The following EDNRB variants were observed in gnomAD, a reference collection of about 807,000 sequenced individuals.
EDNRB encodes the protein endothelin receptor type B, also known as Hirschsprung disease 2.
Under a neutral mutation model 46.4 loss-of-function variants are expected in EDNRB, and 18 were observed. That is an observed-to-expected ratio of 0.39 (90% CI 0.27 to 0.57). The LOEUF is 0.57. Among genes scored for constraint, EDNRB ranks in the 20% least tolerant of loss-of-function variants. The probability of loss-of-function intolerance (pLI) is 0.61; values close to 1 mark genes in which losing one functional copy is unlikely to be tolerated. For missense variants in EDNRB, 434 were observed against 537.5 expected (o/e 0.81, Z 1.90); for synonymous variants, 213 against 204.9 (o/e 1.04, Z -0.34).
intron 1 of EDNRB, among the ~76,000 whole-genome samples, chr13:77,968,497 AT>A (rs1466697320): frequency 6.6e-6 from 1 of 151,906 alleles, no homozygotes; most frequent in Non-Finnish European, 1.5e-5. Flanking sequence ...CTTTGAGCTC[AT>A]TTTTTTTCAA....
At chr13:77,950,284 C>A (rs1163907692) in intron 1 of EDNRB, among the ~76,000 whole-genome samples, 1 of 152,208 alleles carries the variant, frequency 6.6e-6, no homozygotes, top group Non-Finnish European at 1.5e-5. Flanking sequence ...CCATTTGTCA[C>A]CTCTCTAAGT....
intron 1 of EDNRB, among the ~76,000 whole-genome samples, chr13:77,913,756 A>G (rs930481806): frequency 7.9e-5 from 12 of 152,212 alleles, no homozygotes; most frequent in African/African-American, 2.7e-4. Flanking sequence ...AAACACATTG[A>G]TAGCATCCCC....
chr13:77,900,081 A>G (rs1878863833), intron 5 of EDNRB, 114 bp from the exon 6 acceptor site: 4 of 818,562 alleles, frequency 4.9e-6, no homozygotes, highest in Non-Finnish European at 8.2e-6. Flanking sequence ...ATGGTTCTAA[A>G]TTTATCACTC....
rs145502059 is a variant in EDNRB at position 77,927,494 on chromosome 13, G to A, written c.-51-8870C>T. Among the ~76,000 whole-genome samples the A allele has an allele frequency of 2.9e-3, 440 of 152,254 alleles. 6 individuals are homozygous for A. Among genetic ancestry groups the A allele is most frequent in the Middle Eastern group, 6.8e-3 (2 of 294 alleles). ...CAAATTTCCGCTTTTTGACAATTTG[G>A]CAAGAAAGTAGACCTGATATTTAGG... On this transcript the variant is annotated intron_variant, in intron 1 of 7. Coordinates refer to the EDNRB transcript ENST00000646948.
intron 3 of EDNRB, among the ~76,000 whole-genome samples, chr13:77,901,928 C>T (rs953191266): frequency 4.0e-5 from 6 of 151,804 alleles, no homozygotes; most frequent in Non-Finnish European, 2.9e-5. Flanking sequence ...TATTTAGTCT[C>T]CTTATATATT....
At chr13:77,964,860 A>T (rs1480773851) in intron 1 of EDNRB, among the ~76,000 whole-genome samples, 1 of 152,170 alleles carries the variant, frequency 6.6e-6, no homozygotes, top group African/African-American at 2.4e-5. Context: ...GGATTTCCTA[A>T]ATTTTTGGCT....
At chr13:77,911,380 A>G (rs1879562665) in intron 1 of EDNRB, among the ~76,000 whole-genome samples, 2 of 152,080 alleles carry the variant, frequency 1.3e-5, no homozygotes. Flanking sequence ...AAAATGTCTG[A>G]TTACTATGGA....
At chr13:77,962,002 C>G (rs143150555) in intron 1 of EDNRB, among the ~76,000 whole-genome samples, 4,275 of 152,226 alleles carry the variant, frequency 0.028, 206 homozygotes, top group African/African-American at 0.095. Context: ...CTATAAACAC[C>G]TCTACGCAAA....
intron 1 of EDNRB, among the ~76,000 whole-genome samples, chr13:77,906,968 C>T (rs4435136): frequency 2.0e-5 from 3 of 151,814 alleles, no homozygotes; most frequent in African/African-American, 7.2e-5. Context: ...AATACCTGCC[C>T]GACAGTGGTT....
chr13:77,934,679 AGGG>A (rs61163800), intron 1 of EDNRB, among the ~76,000 whole-genome samples: 2 of 127,568 alleles, frequency 1.6e-5, no homozygotes, highest in Non-Finnish European at 3.4e-5. Flanking sequence ...TGTGTAGGAA[AGGG>A]GGGGGGGGGC....
intron 1 of EDNRB, among the ~76,000 whole-genome samples, chr13:77,964,668 A>G (rs1404857105): frequency 1.3e-5 from 2 of 152,198 alleles, no homozygotes; most frequent in Non-Finnish European, 2.9e-5. Flanking sequence ...TAGGAGATAT[A>G]CCTAATGTAA....
At chr13:77,969,243 C>A (rs1259450295) in intron 1 of EDNRB, among the ~76,000 whole-genome samples, 3 of 152,048 alleles carry the variant, frequency 2.0e-5, no homozygotes, top group Non-Finnish European at 4.4e-5. Context: ...ATAAATTGTT[C>A]ATTTTAAAAG....
chr13:77,896,566 A>C lies in EDNRB; in HGVS notation c.*1634T>G. ...TCCAACATGTGGCCCAGCCTATTAA[A>C]AGAAAAACAAAGTAAAAATTTGGGC... On this transcript the variant is annotated 3_prime_UTR_variant, in exon 7 of 7. Transcript: ENST00000646607. 2 of 1,550,078 alleles carry C rather than the reference A, an allele frequency of 1.3e-6. No individual in the cohort carries two copies. The highest frequency in any genetic ancestry group is 1.7e-6 in the Non-Finnish European group (2 of 1,146,406).
intron 1 of EDNRB, among the ~76,000 whole-genome samples, chr13:77,969,853 G>A (rs1881680330): frequency 6.6e-6 from 1 of 152,156 alleles, no homozygotes; most frequent in East Asian, 1.9e-4. Context: ...ACTTCAAAGT[G>A]TAAATGAGCA....
intron 1 of EDNRB, among the ~76,000 whole-genome samples, chr13:77,956,040 A>AT (rs1481808412): frequency 2.6e-5 from 4 of 151,966 alleles, no homozygotes; most frequent in Non-Finnish European, 4.4e-5. Flanking sequence ...GAATTTCAAG[A>AT]TTTTTTCTAT....
chr13:77,898,021 C>T lies in EDNRB; in HGVS notation c.*179G>A, dbSNP rs201848931. On this transcript the variant is annotated 3_prime_UTR_variant, in exon 7 of 7. Coordinates refer to ENST00000646607, the MANE Select transcript of EDNRB (RefSeq NM_001122659.3). ...ATTCCCACTGATTTTCTTTCCATGC[C>T]GTAAACAGCTCATAAAATGTCATAT... is the stretch of plus-strand genomic sequence containing the variant. The T allele has an allele frequency of 6.7e-5, 94 of 1,401,844 alleles. No homozygotes were observed. The highest frequency in any genetic ancestry group is 1.2e-4 in the Admixed American group (4 of 34,624). The allele number at this position is 1,401,844 out of a possible 1,614,324, so 86.8% of individuals were successfully genotyped here. A position where few individuals can be genotyped will look rare whatever the true frequency, so the allele number is the denominator to read the frequency against.
At chr13:77,963,601 C>T (rs930060201) in intron 1 of EDNRB, among the ~76,000 whole-genome samples, 62 of 152,210 alleles carry the variant, frequency 4.1e-4, no homozygotes, top group South Asian at 2.1e-3. Flanking sequence ...CTTCCTTACA[C>T]CTTATACAAA....
At chr13:77,914,087 CAA>C (rs1224874395) in intron 1 of EDNRB, among the ~76,000 whole-genome samples, 1 of 152,022 alleles carries the variant, frequency 6.6e-6, no homozygotes, top group Admixed American at 6.6e-5. Context: ...TGATTAATAC[CAA>C]GAGTACAAGA....
intron 1 of EDNRB, among the ~76,000 whole-genome samples, chr13:77,951,065 T>C (rs953947129): frequency 1.3e-5 from 2 of 152,042 alleles, no homozygotes; most frequent in South Asian, 2.1e-4. Context: ...CCAAATAATA[T>C]AGGTGAGCTG....
Sources: gnomAD v4.1 joint callset for allele counts (sites outside exome capture counted in the v4.1 genomes callset) on GRCh38, gnomAD v4.1.1 for gene constraint, MANE v1.5 for transcripts, NCBI Gene and HGNC (gene_info 2026-07-23, HGNC 2026-07-21) for gene names.